The following CREB5 variants were observed in gnomAD, a reference collection of about 807,000 sequenced individuals.
CREB5 encodes the protein cyclic AMP-responsive element-binding protein 5.
A neutral mutation model predicts 57.1 loss-of-function variants in CREB5; 19 were observed. The observed-to-expected ratio is 0.33, with a 90% CI of 0.23 to 0.49. The LOEUF is 0.49. CREB5 is among the 20% of genes least tolerant of loss of function. The pLI, the probability that CREB5 is intolerant of heterozygous loss-of-function variation, is 0.99. For missense variants in CREB5, 579 were observed against 671.6 expected (o/e 0.86, Z 1.52); for synonymous variants, 238 against 238.3 (o/e 1.00, Z 0.01).
At chr7:28,385,112 T>C (rs926941147) in intron 1 of CREB5, among the ~76,000 whole-genome samples, 1 of 152,180 alleles carries the variant, frequency 6.6e-6, no homozygotes, top group African/African-American at 2.4e-5. Context: ...TTAAAAGAAA[T>C]AATGATAAAA....
intron 9 of CREB5, among the ~76,000 whole-genome samples, chr7:28,817,042 C>T (rs969938117): frequency 6.6e-6 from 1 of 152,092 alleles, no homozygotes; most frequent in Non-Finnish European, 1.5e-5. Context: ...TATGAGCATG[C>T]CTTTGTGAAT....
intron 5 of CREB5, among the ~76,000 whole-genome samples, chr7:28,712,273 C>T (rs942117168): frequency 4.6e-5 from 7 of 151,918 alleles, no homozygotes; most frequent in East Asian, 3.9e-4. Flanking sequence ...TTTGGGAGGT[C>T]GAGGCAGGTG....
At chr7:28,354,077 C>T (rs912757303) in intron 1 of CREB5, among the ~76,000 whole-genome samples, 5 of 152,130 alleles carry the variant, frequency 3.3e-5, no homozygotes, top group African/African-American at 9.7e-5. Flanking sequence ...AATTTAGGCA[C>T]GATCCTTCTG....
intron 4 of CREB5, among the ~76,000 whole-genome samples, chr7:28,536,040 C>T (rs891023572): frequency 6.6e-6 from 1 of 152,148 alleles, no homozygotes; most frequent in African/African-American, 2.4e-5. Context: ...CTTTCTTGTG[C>T]CTGCTGAAGT....
At chr7:28,744,308 C>T (rs1054061496) in intron 7 of CREB5, among the ~76,000 whole-genome samples, 3 of 150,064 alleles carry the variant, frequency 2.0e-5, no homozygotes, top group Admixed American at 6.6e-5. Flanking sequence ...TAGGGCCCAT[C>T]CATATGACCT....
chr7:28,561,005 CGTGTGTGTGTGCGTGTGTGCGTGTGT>C (rs1795240012), intron 4 of CREB5, among the ~76,000 whole-genome samples: 1 of 26,926 alleles, frequency 3.7e-5, no homozygotes, highest in Non-Finnish European at 7.9e-5. Flanking sequence ...CCTGCGTGTG[CGTGTGTGTGTGCGTGTGTGCGTGTGT>C]GTGTGTGTGT....
At chr7:28,494,801 A>G (rs1310212330) in intron 2 of CREB5, 105 bp from the exon 3 acceptor site, 5 of 647,052 alleles carry the variant, frequency 7.7e-6, no homozygotes, top group Non-Finnish European at 1.2e-5. Context: ...TTTGCCTGTC[A>G]TGTTTGCAAT....
At chr7:28,473,049 G>T (rs887204755) in intron 1 of CREB5, among the ~76,000 whole-genome samples, 2 of 152,178 alleles carry the variant, frequency 1.3e-5, no homozygotes, top group African/African-American at 4.8e-5. Context: ...GTCCAGAGAG[G>T]TAAGCATTAC....
intron 1 of CREB5, among the ~76,000 whole-genome samples, chr7:28,433,139 G>A (rs928520883): frequency 1.3e-5 from 2 of 152,018 alleles, no homozygotes; most frequent in Non-Finnish European, 2.9e-5. Context: ...AAGCCATCTT[G>A]CACATAACCC....
chr7:28,320,420 G>A (rs1785476541), intron 1 of CREB5, among the ~76,000 whole-genome samples: 1 of 152,188 alleles, frequency 6.6e-6, no homozygotes, highest in Non-Finnish European at 1.5e-5. Context: ...AAAGCCAGCA[G>A]TTTGGAAAGA....
intron 1 of CREB5, among the ~76,000 whole-genome samples, chr7:28,322,301 G>C (rs1160870202): frequency 6.6e-6 from 1 of 152,050 alleles, no homozygotes; most frequent in Non-Finnish European, 1.5e-5. Context: ...ATTTACCTTA[G>C]GTCTTACTCT....
intron 5 of CREB5, among the ~76,000 whole-genome samples, chr7:28,698,569 GT>G (rs1801691302): frequency 6.6e-6 from 1 of 152,170 alleles, no homozygotes; most frequent in Admixed American, 6.5e-5. Context: ...GCAGTGCATG[GT>G]TATTCTAGAC....
intron 4 of CREB5, among the ~76,000 whole-genome samples, chr7:28,537,361 A>T (rs1562782486): frequency 6.9e-6 from 1 of 144,074 alleles, no homozygotes; most frequent in Non-Finnish European, 1.5e-5. Flanking sequence ...AGAATTTCCT[A>T]CAACATGCAC....
chr7:28,480,288 C>A (rs896034455), intron 1 of CREB5, among the ~76,000 whole-genome samples: 6 of 152,080 alleles, frequency 3.9e-5, no homozygotes, highest in Non-Finnish European at 7.4e-5. Flanking sequence ...ATACTGCTGA[C>A]CTTTTTCTTA....
intron 5 of CREB5, among the ~76,000 whole-genome samples, chr7:28,622,905 T>C (rs969304612): frequency 5.3e-5 from 8 of 152,184 alleles, no homozygotes; most frequent in Non-Finnish European, 1.0e-4. Flanking sequence ...CTTCTTCTGG[T>C]TTTTTTCTTT....
At chr7:28,359,716 A>C (rs1386798941) in intron 1 of CREB5, among the ~76,000 whole-genome samples, 2 of 152,214 alleles carry the variant, frequency 1.3e-5, no homozygotes, top group Admixed American at 1.3e-4. Context: ...AAAAATAGAT[A>C]AATAGGATTA....
chr7:28,562,452 C>T (rs906280246), intron 4 of CREB5, among the ~76,000 whole-genome samples: 5 of 152,190 alleles, frequency 3.3e-5, no homozygotes, highest in East Asian at 3.9e-4. Context: ...GAAAGAATGA[C>T]AGAGTTCTGG....
At chr7:28,736,599 C>G (rs1432504993) in intron 7 of CREB5, among the ~76,000 whole-genome samples, 1 of 152,112 alleles carries the variant, frequency 6.6e-6, no homozygotes, top group Admixed American at 6.5e-5. Flanking sequence ...GATCATTTAG[C>G]CAGCAAGTGG....
At chr7:28,803,940 T>C (rs1808534822) in intron 7 of CREB5, among the ~76,000 whole-genome samples, 1 of 152,096 alleles carries the variant, frequency 6.6e-6, no homozygotes. Context: ...CTTGATAGGA[T>C]ATCCTGCCCA....
Sources: allele counts gnomAD v4.1 joint callset (sites outside exome capture counted in the v4.1 genomes callset), GRCh38; gene constraint gnomAD v4.1.1; transcripts MANE v1.5; gene names NCBI Gene and HGNC (gene_info 2026-07-23, HGNC 2026-07-21).